Variants in GMDS observed in about 807,000 individuals in gnomAD.
The protein encoded by GMDS is GDP-mannose 4,6-dehydratase, also known as GDP-mannose 4,6 dehydratase.
In GMDS, 20 loss-of-function variants were observed where a neutral mutation model predicts 49.9. That is an observed-to-expected ratio of 0.40 (90% confidence interval 0.28 to 0.58). The LOEUF is 0.58. Ranked by LOEUF, GMDS falls within the 20% of genes least tolerant of loss-of-function variation. The pLI is 0.42. For synonymous variants in GMDS, 177 were observed against 178.6 expected, an observed-to-expected ratio of 0.99 and a Z score of 0.07; for missense variants, 362 against 481.4, an observed-to-expected ratio of 0.75 and a Z score of 2.32.
chr6:1,701,932 C>T (rs572572341), intron 9 of GMDS, among the ~76,000 whole-genome samples: 9 of 152,372 alleles, frequency 5.9e-5, no homozygotes, highest in African/African-American at 2.2e-4. Context: ...AGCTGATTCA[C>T]AACACAGGAG....
intron 4 of GMDS, among the ~76,000 whole-genome samples, chr6:2,106,339 T>G (rs570678237): frequency 1.3e-5 from 2 of 152,306 alleles, no homozygotes; most frequent in African/African-American, 4.8e-5. Context: ...CGTACTAACT[T>G]TAAGGATCCA....
At chr6:1,895,909 C>T (rs1040185137) in intron 7 of GMDS, among the ~76,000 whole-genome samples, 1 of 152,166 alleles carries the variant, frequency 6.6e-6, no homozygotes. Context: ...CTTTCTTTCC[C>T]TATCCATTCT....
intron 1 of GMDS, among the ~76,000 whole-genome samples, chr6:2,231,344 A>C (rs950504687): frequency 2.0e-5 from 3 of 152,078 alleles, no homozygotes; most frequent in Admixed American, 6.6e-5. Flanking sequence ...GGATGGCTTG[A>C]GCTCACAAGT....
At chr6:2,040,946 C>T (rs746861967) in intron 4 of GMDS, among the ~76,000 whole-genome samples, 3 of 152,158 alleles carry the variant, frequency 2.0e-5, no homozygotes, top group Non-Finnish European at 2.9e-5. Context: ...CTGAAGACTG[C>T]CGTGTAACTT....
rs530350000 is a variant in GMDS at position 2,065,922 on chromosome 6, G to A, written c.345+49849C>T. Among the ~76,000 whole-genome samples the A allele has an allele frequency of 1.1e-4, 17 of 152,226 alleles. No individual in the cohort carries two copies. The East Asian group carries it at 3.3e-3, about 29-fold the overall frequency. ...TTCAGGTTCAGGAAATACAGAGAATGCCACAAAGATACTGCTCAAGAAGAG... is the reference window on the plus strand; with the variant it reads ...TTCAGGTTCAGGAAATACAGAGAATACCACAAAGATACTGCTCAAGAAGAG... On this transcript the variant is annotated intron_variant, in intron 4 of 10. Transcript: ENST00000380815.
intron 1 of GMDS, among the ~76,000 whole-genome samples, chr6:2,176,358 T>C (rs1778284979): frequency 2.0e-5 from 3 of 152,196 alleles, no homozygotes; most frequent in African/African-American, 4.8e-5. Flanking sequence ...CAGACTTTGA[T>C]GTCAGAAATT....
intron 1 of GMDS, among the ~76,000 whole-genome samples, chr6:2,131,822 G>A (rs370941565): frequency 1.4e-4 from 20 of 143,504 alleles, no homozygotes; most frequent in Middle Eastern, 3.6e-3. Context: ...TTTTCTTAAC[G>A]TAAGCTCCTT....
chr6:2,062,518 C>T (rs1049943085), intron 4 of GMDS, among the ~76,000 whole-genome samples: 1 of 151,450 alleles, frequency 6.6e-6, no homozygotes, highest in African/African-American at 2.4e-5. Flanking sequence ...TATTGTCACT[C>T]TGCAATAAAA....
chr6:2,240,787 T>C (rs932529872), intron 1 of GMDS, among the ~76,000 whole-genome samples: 4 of 152,170 alleles, frequency 2.6e-5, no homozygotes, highest in Non-Finnish European at 5.9e-5. Context: ...ATCATACCAC[T>C]AGACTATCAA....
At chr6:2,202,839 C>T (rs752833788) in intron 1 of GMDS, among the ~76,000 whole-genome samples, 9 of 152,132 alleles carry the variant, frequency 5.9e-5, no homozygotes, top group Non-Finnish European at 7.3e-5. Context: ...GGAGCAGAGA[C>T]GGAAACAAAG....
intron 4 of GMDS, among the ~76,000 whole-genome samples, chr6:2,037,708 G>A (rs1326436959): frequency 1.3e-5 from 2 of 152,230 alleles, no homozygotes; most frequent in East Asian, 1.9e-4. Context: ...ATAGAAAGAA[G>A]TGGTTGCTTG....
intron 1 of GMDS, among the ~76,000 whole-genome samples, chr6:2,218,782 C>A (rs1780451500): frequency 6.6e-6 from 1 of 152,144 alleles, no homozygotes. Flanking sequence ...GTGCCAACAA[C>A]CCTGAAATTA....
rs189186954 is a variant in GMDS at position 1,870,664 on chromosome 6, C to T, written c.771+59439G>A. Among the ~76,000 whole-genome samples the T allele has an allele frequency of 3.9e-3, 598 of 152,274 alleles. 6 individuals are homozygous for T. Among genetic ancestry groups the T allele is most frequent in the Middle Eastern group, 0.014 (4 of 294 alleles). The stretch of plus-strand genomic sequence containing the variant: ...ATCTTTAAATATACTCTTCCTTATA[C>T]GTACTCTTTTTAATAGAATAATTAC... On this transcript the variant is annotated intron_variant, in intron 7 of 10. Transcript: ENST00000380815.
chr6:1,933,711 C>T (rs982022229), intron 6 of GMDS, among the ~76,000 whole-genome samples: 1 of 152,186 alleles, frequency 6.6e-6, no homozygotes, highest in Non-Finnish European at 1.5e-5. Context: ...ATTTTTAAAT[C>T]GGATTACTTA....
At chr6:1,785,829 T>C (rs902593623) in intron 7 of GMDS, among the ~76,000 whole-genome samples, 1 of 152,234 alleles carries the variant, frequency 6.6e-6, no homozygotes, top group African/African-American at 2.4e-5. Flanking sequence ...CTCTGTGAGC[T>C]TCAGCAGTGC....
intron 9 of GMDS, among the ~76,000 whole-genome samples, chr6:1,676,206 T>C (rs1445779787): frequency 1.3e-5 from 2 of 152,054 alleles, no homozygotes; most frequent in African/African-American, 4.8e-5. Flanking sequence ...AATAAAATAC[T>C]TAGGAATCCA....
rs959992678 is a variant in GMDS at position 1,812,393 on chromosome 6, G to A, written c.772-69807C>T. ...TACCTACTGGGGCCTCCACAGTTTCGCTAACAGTAAATTTAGAAAAGTAGA... is the reference window on the plus strand; with the variant it reads ...TACCTACTGGGGCCTCCACAGTTTCACTAACAGTAAATTTAGAAAAGTAGA... On this transcript the variant is annotated intron_variant, in intron 7 of 10. Transcript: ENST00000380815. Among the ~76,000 whole-genome samples the A allele has an allele frequency of 4.6e-5, 7 of 152,128 alleles. No individual in the cohort carries two copies. In the East Asian group the frequency reaches 5.8e-4, roughly 13 times the overall value.
chr6:1,760,274 T>C (rs1457856367), intron 7 of GMDS, among the ~76,000 whole-genome samples: 2 of 152,214 alleles, frequency 1.3e-5, no homozygotes, highest in African/African-American at 4.8e-5. Context: ...CAAGTTTGGA[T>C]AAAGAGCAAA....
At chr6:2,108,684 C>T (rs1034936152) in intron 4 of GMDS, among the ~76,000 whole-genome samples, 1 of 152,106 alleles carries the variant, frequency 6.6e-6, no homozygotes, top group African/African-American at 2.4e-5. Flanking sequence ...ACAAGAGGTC[C>T]GATATAAAGT....
Sources: allele counts gnomAD v4.1 joint callset (sites outside exome capture counted in the v4.1 genomes callset), GRCh38; gene constraint gnomAD v4.1.1; transcripts MANE v1.5; gene names NCBI Gene and HGNC (gene_info 2026-07-23, HGNC 2026-07-21).